The following LRRC37A2 variants were observed in gnomAD, a reference collection of about 807,000 sequenced individuals.
LRRC37A2 encodes the protein leucine-rich repeat-containing protein 37A2.
A neutral mutation model predicts 68.8 loss-of-function variants in LRRC37A2; 9 were observed. That is an observed-to-expected ratio of 0.13 (90% CI 0.08 to 0.23). The LOEUF (loss-of-function observed/expected upper bound fraction) is 0.23, where lower values mean the gene tolerates loss of function less well. Ranked by LOEUF, LRRC37A2 falls within the 10% of genes least tolerant of loss-of-function variation. The pLI is 1.00. For missense variants in LRRC37A2, 168 were observed against 950.4 expected, an observed-to-expected ratio of 0.18 and a Z score of 10.82; for synonymous variants, 63 against 367.6, an observed-to-expected ratio of 0.17 and a Z score of 9.48.
At chr17:46,795,296 C>T in the LRRC37A2 span, among the ~76,000 whole-genome samples, 1 of 152,178 alleles carries the variant, frequency 6.6e-6, no homozygotes, top group East Asian at 1.9e-4. Flanking sequence ...TCTCACTCCC[C>T]TGGTGTGGCC....
chr17:46,845,526 G>A, the LRRC37A2 span, among the ~76,000 whole-genome samples: 1 of 130,930 alleles, frequency 7.6e-6, no homozygotes, highest in African/African-American at 2.9e-5. Flanking sequence ...GTCTTGCTCT[G>A]TCACCCTGGC....
the LRRC37A2 span, among the ~76,000 whole-genome samples, chr17:46,503,763 T>G: frequency 1.1e-4 from 9 of 81,082 alleles, no homozygotes; most frequent in South Asian, 6.0e-4. Context: ...TAACTTGGGG[T>G]GGGGGATGGG....
chr17:46,861,173 G>A, the LRRC37A2 span, among the ~76,000 whole-genome samples: 1 of 152,224 alleles, frequency 6.6e-6, no homozygotes, highest in Non-Finnish European at 1.5e-5. Context: ...CGACCCTGTG[G>A]CCCAGGCCCT....
At chr17:46,776,020 C>T in the LRRC37A2 span, among the ~76,000 whole-genome samples, 49 of 152,268 alleles carry the variant, frequency 3.2e-4, 1 homozygote, top group South Asian at 2.9e-3. Flanking sequence ...CTCAAAATAG[C>T]CCCAGCACAA....
At chr17:46,835,307 G>A in the LRRC37A2 span, among the ~76,000 whole-genome samples, 1 of 152,138 alleles carries the variant, frequency 6.6e-6, no homozygotes, top group Admixed American at 6.6e-5. Context: ...CGCCTCCCGG[G>A]TTCACGCCAT....
At chr17:46,893,952 C>T in the LRRC37A2 span, among the ~76,000 whole-genome samples, 3 of 152,114 alleles carry the variant, frequency 2.0e-5, no homozygotes, top group South Asian at 2.1e-4. Context: ...ATGCTGAGCA[C>T]GGCAGGGTTA....
At chr17:46,849,561 C>A in the LRRC37A2 span, among the ~76,000 whole-genome samples, 2 of 152,196 alleles carry the variant, frequency 1.3e-5, no homozygotes, top group Admixed American at 6.5e-5. Flanking sequence ...CTTCTGTGAT[C>A]GTGGTTCAAA....
chr17:46,978,907 G>C, the LRRC37A2 span: 29 of 1,475,254 alleles, frequency 2.0e-5, no homozygotes, highest in Non-Finnish European at 2.6e-5. Context: ...GCCCAGCCAC[G>C]TGCCCAGCCC....
At chr17:46,836,095 C>CGTGTGTGT in the LRRC37A2 span, among the ~76,000 whole-genome samples, 4,644 of 126,434 alleles carry the variant, frequency 0.037, 150 homozygotes, top group African/African-American at 0.057. Flanking sequence ...GAGACGCTGA[C>CGTGTGTGT]GTGTGTGTGT....
At chr17:46,783,140 T>A in the LRRC37A2 span, among the ~76,000 whole-genome samples, 1 of 152,170 alleles carries the variant, frequency 6.6e-6, no homozygotes, top group Non-Finnish European at 1.5e-5. Context: ...GGAGCACCCT[T>A]GCCTATGTCT....
the LRRC37A2 span, among the ~76,000 whole-genome samples, chr17:46,959,803 C>G: frequency 6.6e-6 from 1 of 152,218 alleles, no homozygotes; most frequent in African/African-American, 2.4e-5. Flanking sequence ...GGAAAGTCCT[C>G]CAATCCTTGG....
the LRRC37A2 span, among the ~76,000 whole-genome samples, chr17:46,708,831 T>A: frequency 7.4e-6 from 1 of 134,932 alleles, no homozygotes; most frequent in Non-Finnish European, 1.6e-5. Context: ...TATTTTTTTT[T>A]TTTTTTTTTT....
chr17:46,849,971 C>T, the LRRC37A2 span, among the ~76,000 whole-genome samples: 1,568 of 152,218 alleles, frequency 0.01, 9 homozygotes, highest in Non-Finnish European at 0.016. Context: ...TCTCAGCCTC[C>T]TGAGTAGCTG....
At chr17:46,971,690 CTT>C in the LRRC37A2 span, among the ~76,000 whole-genome samples, 1 of 152,214 alleles carries the variant, frequency 6.6e-6, no homozygotes. Flanking sequence ...GGTGAAGCGA[CTT>C]TCTCTGATGA....
At chr17:47,034,325 G>A in the LRRC37A2 span, among the ~76,000 whole-genome samples, 1 of 152,224 alleles carries the variant, frequency 6.6e-6, no homozygotes, top group East Asian at 1.9e-4. Context: ...CACAACCTTA[G>A]TCAAGAAAAG....
chr17:46,732,318 G>A, the LRRC37A2 span, among the ~76,000 whole-genome samples: 1 of 152,072 alleles, frequency 6.6e-6, no homozygotes, highest in Non-Finnish European at 1.5e-5. Context: ...ATGTTGTTAT[G>A]TATCCAGATA....
At chr17:47,014,612 C>A in the LRRC37A2 span, among the ~76,000 whole-genome samples, 5 of 151,248 alleles carry the variant, frequency 3.3e-5, no homozygotes, top group Non-Finnish European at 7.4e-5. Context: ...GTTTGGAGAG[C>A]AGAACTGAGG....
At chr17:46,941,984 GT>G in the LRRC37A2 span, 2 of 982,578 alleles carry the variant, frequency 2.0e-6, no homozygotes, top group South Asian at 9.4e-5. Flanking sequence ...AGCAAAACTT[GT>G]TAAGTCCAAA....
chr17:47,037,164 C>T, the LRRC37A2 span, among the ~76,000 whole-genome samples: 2 of 149,336 alleles, frequency 1.3e-5, no homozygotes, highest in African/African-American at 4.9e-5. Context: ...GTGGCAGGCA[C>T]CTGTAATCCC....
Sources: gnomAD v4.1 joint callset for allele counts (sites outside exome capture counted in the v4.1 genomes callset) on GRCh38, gnomAD v4.1.1 for gene constraint, MANE v1.5 for transcripts, NCBI Gene and HGNC (gene_info 2026-07-23, HGNC 2026-07-21) for gene names.